The following GPC3 variants were observed in gnomAD, a reference collection of about 807,000 sequenced individuals.
The protein encoded by GPC3 is glypican 3, also known as glypican-3.
In GPC3, 3 loss-of-function variants were observed where a neutral mutation model predicts 34.4. The observed-to-expected ratio is 0.09, with a 90% confidence interval of 0.04 to 0.23. The LOEUF (loss-of-function observed/expected upper bound fraction) is 0.23, where lower values mean the gene tolerates loss of function less well. Among genes scored for constraint, GPC3 ranks in the 10% least tolerant of loss-of-function variants. GPC3 has a pLI of 1.00. For missense variants in GPC3, 351 were observed against 445.6 expected, an observed-to-expected ratio of 0.79 and a Z score of 1.91; for synonymous variants, 177 against 174.0, an observed-to-expected ratio of 1.02 and a Z score of -0.13.
intron 2 of GPC3, among the ~76,000 whole-genome samples, chrX:133,863,430 T>C (rs1368939164): frequency 9.0e-6 from 1 of 111,176 alleles, no homozygotes; most frequent in Non-Finnish European, 1.9e-5. Flanking sequence ...TGGTAGGCAG[T>C]AAATAAATGG....
intron 1 of GPC3, among the ~76,000 whole-genome samples, chrX:133,972,303 T>C (rs1381983571): frequency 8.9e-6 from 1 of 112,589 alleles, no homozygotes; most frequent in East Asian, 2.8e-4. Context: ...TTTGAAACAC[T>C]GAGCACAGTT....
At chrX:133,733,352 C>T (rs2071480381) in intron 3 of GPC3, among the ~76,000 whole-genome samples, 1 of 111,143 alleles carries the variant, frequency 9.0e-6, no homozygotes, top group African/African-American at 3.3e-5. Context: ...ATATACACTA[C>T]TCTGGTGATT....
chrX:133,618,151 C>T (rs1410391237), intron 6 of GPC3, among the ~76,000 whole-genome samples: 2 of 111,574 alleles, frequency 1.8e-5, no homozygotes, highest in Non-Finnish European at 3.8e-5. Context: ...TCAGAAAGTA[C>T]AATACACATG....
intron 1 of GPC3, among the ~76,000 whole-genome samples, chrX:133,982,133 A>G (rs2076543178): frequency 8.9e-6 from 1 of 112,455 alleles, no homozygotes; most frequent in Non-Finnish European, 1.9e-5. Context: ...TCTGATTACT[A>G]GCTCACTTTC....
intron 7 of GPC3, among the ~76,000 whole-genome samples, chrX:133,562,859 G>A (rs765967484): frequency 1.5e-4 from 15 of 101,651 alleles, no homozygotes; most frequent in African/African-American, 5.4e-4. Context: ...GAGTAGCTCC[G>A]GTCAACTACT....
At chrX:133,830,678 CAAAAAAAAAA>C (rs1174232524) in intron 2 of GPC3, among the ~76,000 whole-genome samples, 6 of 13,439 alleles carry the variant, frequency 4.5e-4, no homozygotes, top group East Asian at 0.01. Context: ...GACTCCATCT[CAAAAAAAAAA>C]AAAAAAAAAA....
At chrX:133,887,350 G>A (rs1280819606) in intron 2 of GPC3, among the ~76,000 whole-genome samples, 1 of 112,024 alleles carries the variant, frequency 8.9e-6, no homozygotes, top group Non-Finnish European at 1.9e-5. Flanking sequence ...TCATCTTTTT[G>A]ATAACAGCCA....
chrX:133,878,745 C>G (rs1314634748), intron 2 of GPC3, among the ~76,000 whole-genome samples: 4 of 111,952 alleles, frequency 3.6e-5, no homozygotes, highest in African/African-American at 1.3e-4. Context: ...TGCCACTATT[C>G]TGCCCAGTTA....
Position 133,754,136 on chromosome X carries a change from G to T in GPC3, c.378C>A (p.Thr126=). The T allele has an allele frequency of 1.7e-6, 2 of 1,204,264 alleles. No individual in the cohort carries two copies. The highest frequency in any genetic ancestry group is 2.2e-6 in the Non-Finnish European group (2 of 891,192). The change falls in exon 3 of 8, where the codon ACC becomes ACA. Residue 126 remains threonine (T), a synonymous_variant. Transcript: ENST00000370818. ...GGTAGTTGTTCTTGAACATGGCATTGGTGTAGTTCTTGGCATGGCGAACAA... is the reference window on the plus strand; with the variant it reads ...GGTAGTTGTTCTTGAACATGGCATTTGTGTAGTTCTTGGCATGGCGAACAA... ...EIVVRHAKNY[T]NAMFKNNYPS... is the part of the protein sequence containing the mutation.
rs147245792 is a variant in GPC3 at position 133,699,912 on chromosome X, G to A, written c.1149C>T (p.Thr383=). ...CCTCTCACCTTCTTCGGCTGGATAA[G>A]GTTTCTTCATGTTCTACATGAGCAA... ...LKVAHVEHEE[T]LSSRRRELIQ... Residue 383 remains threonine (T), a synonymous_variant, in exon 4 of 8, where the codon ACC becomes ACT. Coordinates refer to ENST00000370818, the MANE Select transcript of GPC3 (RefSeq NM_004484.4). 6.9e-5 allele frequency: 83 copies of A among 1,202,209 alleles called. No individual in the cohort carries two copies. Among genetic ancestry groups the A allele is most frequent in the Non-Finnish European group, 8.9e-5 (79 of 889,538 alleles).
At chrX:133,971,793 A>G (rs1185608296) in intron 1 of GPC3, among the ~76,000 whole-genome samples, 4 of 111,095 alleles carry the variant, frequency 3.6e-5, no homozygotes, top group African/African-American at 1.3e-4. Context: ...GAGAGTGCAC[A>G]GAACATCCGT....
At position 133,754,466 on chromosome X, in the gene GPC3, C is replaced by T. The variant is rs760920841; in HGVS notation, c.338-290G>A. 1.4e-4 allele frequency among the ~76,000 whole-genome samples: 16 copies of T among 112,136 alleles called. No individual in the cohort carries two copies. The East Asian group carries it at 3.6e-3, about 25-fold the overall frequency. ...AAAAGCCAAGATTCAGTTAACATTTCGGCCTTTCATGAAAATATTGATTAA... is the reference window on the plus strand; with the variant it reads ...AAAAGCCAAGATTCAGTTAACATTTTGGCCTTTCATGAAAATATTGATTAA... On this transcript the variant is annotated intron_variant, in intron 2 of 7. Transcript: ENST00000370818.
chrX:133,584,930 C>CAA (rs68159308), intron 7 of GPC3, among the ~76,000 whole-genome samples: 15 of 68,253 alleles, frequency 2.2e-4, no homozygotes, highest in African/African-American at 7.2e-4. Context: ...TATAAAAAGC[C>CAA]AAAAAAAAAA....
rs774767270 is a variant in GPC3, at chrX:133,690,535, T to C, written c.1292+1834A>G. On this transcript the variant is annotated intron_variant, in intron 5 of 7. Coordinates refer to ENST00000370818, the MANE Select transcript of GPC3 (RefSeq NM_004484.4). ...TCTTTGCACTCCATTATACTGTTAA[T>C]AAATTCCATTCAGCATTCCATGTCC... is the stretch of plus-strand genomic sequence containing the variant. 2.7e-5 allele frequency among the ~76,000 whole-genome samples: 3 copies of C among 111,715 alleles called. No individual in the cohort carries two copies. In the South Asian group the frequency reaches 1.1e-3, roughly 43 times the overall value.
Position 133,773,420 on chromosome X carries a change from G to C in GPC3, c.338-19244C>G, listed in dbSNP as rs780110168. Among the ~76,000 whole-genome samples the C allele has an allele frequency of 6.2e-5, 7 of 112,140 alleles. No homozygotes were observed. In the East Asian group the frequency reaches 2.0e-3, roughly 31 times the overall value. Reference sequence around the variant, plus strand: ...TAATTGAACTAACTGAAAATTGAGAGGGAAATGCAAATAAAATGGGAGCAC... The same window carrying C: ...TAATTGAACTAACTGAAAATTGAGACGGAAATGCAAATAAAATGGGAGCAC... On this transcript the variant is annotated intron_variant, in intron 2 of 7. Coordinates refer to ENST00000370818, the MANE Select transcript of GPC3 (RefSeq NM_004484.4).
chrX:133,539,762 T>C (rs970121816), intron 7 of GPC3, among the ~76,000 whole-genome samples: 1 of 112,480 alleles, frequency 8.9e-6, no homozygotes, highest in African/African-American at 3.2e-5. Context: ...ACCTGTGGCT[T>C]ATAATTGGTG....
chrX:133,536,622 C>T (rs980851050), intron 7 of GPC3, among the ~76,000 whole-genome samples: 8 of 110,471 alleles, frequency 7.2e-5, no homozygotes, highest in African/African-American at 2.6e-4. Flanking sequence ...GCAACATCTC[C>T]TCCCAGGCAA....
intron 3 of GPC3, among the ~76,000 whole-genome samples, chrX:133,721,552 A>G (rs1197377382): frequency 1.8e-5 from 2 of 111,641 alleles, no homozygotes; most frequent in African/African-American, 6.5e-5. Flanking sequence ...AAACATTCAA[A>G]GAATTAACAC....
At chrX:133,845,035 T>C (rs1235269047) in intron 2 of GPC3, among the ~76,000 whole-genome samples, 1 of 111,547 alleles carries the variant, frequency 9.0e-6, no homozygotes, top group African/African-American at 3.3e-5. Context: ...CAAACTTCCC[T>C]TTTTGCACTC....
Sources: gnomAD v4.1 joint callset for allele counts (sites outside exome capture counted in the v4.1 genomes callset) on GRCh38, gnomAD v4.1.1 for gene constraint, MANE v1.5 for transcripts, NCBI Gene and HGNC (gene_info 2026-07-23, HGNC 2026-07-21) for gene names.